PDZRN3: variants seen among roughly 807,000 people sequenced by gnomAD.
PDZRN3 encodes the protein E3 ubiquitin-protein ligase PDZRN3.
Under a neutral mutation model 85.7 loss-of-function variants are expected in PDZRN3, and 38 were observed. That is an observed-to-expected ratio of 0.44 (90% CI 0.34 to 0.58). The LOEUF is 0.58. Ranked by LOEUF, PDZRN3 falls within the 20% of genes least tolerant of loss-of-function variation. PDZRN3 has a pLI of 0.01. For missense variants in PDZRN3, 1,629 were observed against 1,506.4 expected, an observed-to-expected ratio of 1.08 and a Z score of -1.35; for synonymous variants, 759 against 638.0, an observed-to-expected ratio of 1.19 and a Z score of -2.86.
At chr3:73,621,160 C>T (rs1007161781) in intron 1 of PDZRN3, among the ~76,000 whole-genome samples, 6 of 152,192 alleles carry the variant, frequency 3.9e-5, no homozygotes, top group African/African-American at 9.6e-5. Flanking sequence ...ACTCCAATCA[C>T]GCTAAGGCTT....
intron 3 of PDZRN3, among the ~76,000 whole-genome samples, chr3:73,554,376 A>T: frequency 6.8e-6 from 1 of 147,028 alleles, no homozygotes; most frequent in Middle Eastern, 3.4e-3. Context: ...ACACACACAC[A>T]CACACACACT....
At chr3:73,389,709 C>A in intron 7 of PDZRN3, 107 bp downstream of exon 7, 4 of 817,454 alleles carry the variant, frequency 4.9e-6, no homozygotes, top group Non-Finnish European at 8.5e-6. Context: ...TTTGTGATCC[C>A]TGTTCTTTAA....
At chr3:73,440,047 T>G (rs1413517699) in intron 3 of PDZRN3, among the ~76,000 whole-genome samples, 1 of 152,126 alleles carries the variant, frequency 6.6e-6, no homozygotes, top group South Asian at 2.1e-4. Flanking sequence ...CTCTTATTTT[T>G]TTTTTGAATG....
chr3:73,544,916 G>A (rs1701387120), intron 3 of PDZRN3, among the ~76,000 whole-genome samples: 2 of 151,912 alleles, frequency 1.3e-5, no homozygotes, highest in Non-Finnish European at 2.9e-5. Context: ...ACCCAATACT[G>A]TGCCTCTTCA....
chr3:73,608,749 TTCTA>T (rs1702641542), intron 1 of PDZRN3, 65 bp from the exon 2 acceptor site: 2 of 997,216 alleles, frequency 2.0e-6, no homozygotes, highest in Non-Finnish European at 1.6e-6. Flanking sequence ...GGAATTTTCC[TTCTA>T]TCTAAGTGTA....
At chr3:73,479,958 T>C (rs1394574863) in intron 3 of PDZRN3, among the ~76,000 whole-genome samples, 2 of 151,872 alleles carry the variant, frequency 1.3e-5, no homozygotes, top group African/African-American at 4.8e-5. Flanking sequence ...TGGAATACAA[T>C]TTCCAATACA....
chr3:73,529,708 T>A (rs990094221), intron 3 of PDZRN3, among the ~76,000 whole-genome samples: 2 of 152,216 alleles, frequency 1.3e-5, no homozygotes, highest in African/African-American at 4.8e-5. Context: ...AAGAAATCTG[T>A]TTCAAAGTGC....
chr3:73,612,163 G>A lies in PDZRN3; in HGVS notation c.724-3479C>T, dbSNP rs140114750. ...AGCCTAACTTCATAGAAACTGATAA[G>A]CCAACAAACACACTTGCCTTCCGAA... On this transcript the variant is annotated intron_variant, in intron 1 of 9. Coordinates refer to ENST00000263666, the MANE Select transcript of PDZRN3 (RefSeq NM_015009.3). 3.5e-3 allele frequency among the ~76,000 whole-genome samples: 528 copies of A among 152,242 alleles called. 4 individuals are homozygous for A. The highest frequency in any genetic ancestry group is 0.012 in the African/African-American group (499 of 41,546).
intron 3 of PDZRN3, among the ~76,000 whole-genome samples, chr3:73,475,333 G>A (rs1351932962): frequency 1.3e-5 from 2 of 152,140 alleles, no homozygotes; most frequent in Admixed American, 6.5e-5. Flanking sequence ...TATGAAAGGC[G>A]ATTTGTTCAT....
At chr3:73,506,554 T>A (rs1327013181) in intron 3 of PDZRN3, among the ~76,000 whole-genome samples, 1 of 152,038 alleles carries the variant, frequency 6.6e-6, no homozygotes, top group South Asian at 2.1e-4. Context: ...CTAGTGCCAC[T>A]TTTTACTCAA....
rs899934997 is a variant in PDZRN3 at position 73,593,112 on chromosome 3, A to T, written c.918+9242T>A. Among the ~76,000 whole-genome samples, 3 of 152,032 alleles carry T rather than the reference A, an allele frequency of 2.0e-5. 1 individual carries two copies. The highest frequency in any genetic ancestry group is 1.3e-4 in the Admixed American group (2 of 15,242). On this transcript the variant is annotated intron_variant, in intron 3 of 9. Coordinates refer to ENST00000263666, the MANE Select transcript of PDZRN3 (RefSeq NM_015009.3). ...ACTTCCTTAAAAAAAAAAAACAGAT[A>T]AGGTTACTGCTCTCAAAACCCCCAT...
chr3:73,487,473 C>A (rs181025823), intron 3 of PDZRN3, among the ~76,000 whole-genome samples: 1 of 152,014 alleles, frequency 6.6e-6, no homozygotes, highest in Non-Finnish European at 1.5e-5. Flanking sequence ...CTATGTTTTC[C>A]GAGGGGTGGA....
intron 1 of PDZRN3, among the ~76,000 whole-genome samples, chr3:73,614,215 T>C (rs1279658171): frequency 6.6e-6 from 1 of 152,186 alleles, no homozygotes; most frequent in Non-Finnish European, 1.5e-5. Flanking sequence ...AAATCAAAAA[T>C]TGAATGTAAT....
chr3:73,577,908 C>T (rs901369939), intron 3 of PDZRN3, among the ~76,000 whole-genome samples: 7 of 152,212 alleles, frequency 4.6e-5, no homozygotes, highest in African/African-American at 7.2e-5. Flanking sequence ...GAAGACACAC[C>T]TGTTTGTTTA....
intron 6 of PDZRN3, 116 bp downstream of exon 6, chr3:73,390,902 T>C (rs1443180224): frequency 2.9e-6 from 2 of 694,204 alleles, no homozygotes; most frequent in Non-Finnish European, 5.1e-6. Flanking sequence ...GGGGACAGAA[T>C]AATTTGTGTC....
At chr3:73,600,337 A>ACACACACTCTCTCTCTCT (rs34405662) in intron 3 of PDZRN3, among the ~76,000 whole-genome samples, 140 of 100,060 alleles carry the variant, frequency 1.4e-3, no homozygotes, top group African/African-American at 4.7e-3. Flanking sequence ...ACACACACAC[A>ACACACACTCTCTCTCTCT]CTCTCTCTCT....
intron 3 of PDZRN3, 106 bp from the exon 4 acceptor site, chr3:73,404,501 G>T: frequency 1.6e-6 from 2 of 1,234,110 alleles, no homozygotes; most frequent in Non-Finnish European, 2.3e-6. Context: ...AAAGAAAGAA[G>T]CAGGTGGTGG....
chr3:73,613,136 C>A (rs1702709515), intron 1 of PDZRN3, among the ~76,000 whole-genome samples: 1 of 152,150 alleles, frequency 6.6e-6, no homozygotes, highest in Admixed American at 6.5e-5. Context: ...TTCTCCATGA[C>A]TGGAAAAAGA....
At chr3:73,522,241 G>A (rs535671190) in intron 3 of PDZRN3, among the ~76,000 whole-genome samples, 2 of 152,244 alleles carry the variant, frequency 1.3e-5, no homozygotes, top group African/African-American at 4.8e-5. Flanking sequence ...GCCCCTGATC[G>A]ACAGTAACAC....
Sources: gnomAD v4.1 joint callset for allele counts (sites outside exome capture counted in the v4.1 genomes callset) on GRCh38, gnomAD v4.1.1 for gene constraint, MANE v1.5 for transcripts, NCBI Gene and HGNC (gene_info 2026-07-23, HGNC 2026-07-21) for gene names.